Variants in RPN2 observed in about 807,000 individuals in gnomAD.
RPN2 encodes dolichyl-diphosphooligosaccharide--protein glycosyltransferase subunit 2.
RPN2 carries 29 observed loss-of-function variants against 71.4 expected under a neutral mutation model. That is an observed-to-expected ratio of 0.41 (90% CI 0.30 to 0.55). RPN2 has a LOEUF of 0.55. Among genes scored for constraint, RPN2 ranks in the 20% least tolerant of loss-of-function variants. The pLI is 0.35. For synonymous variants in RPN2, 308 were observed against 305.0 expected (o/e 1.01, Z -0.10); for missense variants, 726 against 774.1 (o/e 0.94, Z 0.74).
chr20:37,231,764 A>C (rs560994049), intron 13 of RPN2, among the ~76,000 whole-genome samples: 8 of 151,802 alleles, frequency 5.3e-5, no homozygotes, highest in African/African-American at 1.9e-4. Context: ...GGGCTTCCTT[A>C]GAGCCATGGC....
chr20:37,213,770 G>T lies in RPN2; in HGVS notation c.997G>T (p.Glu333Ter). ...TSFTPVGDVF[E>*]LNFMNVKFSS... ...TGTCATTCTTAACAGGGATGTTTTT[G>T]AACTAAATTTCATGAACGTCAAATT... Residue 333 changes from glutamate (E) to a stop codon, truncating the protein, a stop_gained, in exon 9 of 17, where the codon GAA becomes TAA. Coordinates refer to ENST00000237530, the MANE Select transcript of RPN2 (RefSeq NM_002951.5). LOFTEE classifies it high-confidence loss of function. 6.2e-7 allele frequency: 1 copy of T among 1,613,500 alleles called. No individual in the cohort carries two copies. Among genetic ancestry groups the T allele is most frequent in the South Asian group, 1.1e-5 (1 of 91,040 alleles).
At chr20:37,200,037 C>T (rs1032263919) in intron 4 of RPN2, among the ~76,000 whole-genome samples, 2 of 151,912 alleles carry the variant, frequency 1.3e-5, no homozygotes, top group Non-Finnish European at 2.9e-5. Flanking sequence ...CTCTGTTACC[C>T]AGGCTAGAGT....
In RPN2 at chr20:37,225,821, C is replaced by G; in HGVS notation, c.1299+19C>G. ...TCACCAGGTCAGGAAGACACCTAGACAGTTCTCTTAACCTGAAATGTGAAT... is the reference window on the plus strand; with the variant it reads ...TCACCAGGTCAGGAAGACACCTAGAGAGTTCTCTTAACCTGAAATGTGAAT... On this transcript the variant is annotated intron_variant, in intron 11 of 16. Transcript: ENST00000237530. 6.6e-7 allele frequency: 1 copy of G among 1,507,000 alleles called. No homozygotes were observed. Among genetic ancestry groups the G allele is most frequent in the East Asian group, 2.3e-5 (1 of 44,328 alleles). The allele number at this position is 1,507,000 out of a possible 1,614,324, so 93.4% of individuals were successfully genotyped here.
At chr20:37,195,659 T>C (rs2067239561) in intron 2 of RPN2, among the ~76,000 whole-genome samples, 1 of 152,120 alleles carries the variant, frequency 6.6e-6, no homozygotes, top group Non-Finnish European at 1.5e-5. Flanking sequence ...AAAGAGGTAA[T>C]GATAGAGGTA....
rs1212853964 is a variant in RPN2, at chr20:37,238,572, CA to C, written c.1883+1864del. The C allele has an allele frequency of 8.0e-6, 6 of 752,728 alleles. No homozygotes were observed. In the African/African-American group the frequency reaches 1.0e-4, roughly 13 times the overall value. 46.6% of individuals were successfully genotyped at this position (752,728 alleles called of 1,614,324 possible). ...GCTCCTCCCACCCCTCCCTAAGCCA[CA>C]GCTGAATTCTGAGGCTGCTTTTCAA... On this transcript the variant is annotated intron_variant, in intron 16 of 16. Coordinates refer to ENST00000237530, the MANE Select transcript of RPN2 (RefSeq NM_002951.5).
At chr20:37,202,369 G>C (rs1247852437) in intron 4 of RPN2, among the ~76,000 whole-genome samples, 4 of 152,148 alleles carry the variant, frequency 2.6e-5, no homozygotes, top group Admixed American at 2.6e-4. Context: ...CATCTTAATG[G>C]AATGAGTTTC....
Position 37,232,368 on chromosome 20 carries a change from C to G in RPN2, c.1654C>G (p.Pro552Ala), listed in dbSNP as rs751445213. 6.8e-5 allele frequency: 110 copies of G among 1,614,060 alleles called. 1 individual carries two copies. In the South Asian group the frequency reaches 1.2e-3, roughly 17 times the overall value. Reference protein sequence around the residue: ...SNTFTALILSPLLLLFALWIR... With the variant: ...SNTFTALILSALLLLFALWIR... ...TACATTCACTGCCCTGATCCTCTCG[C>G]CGTTGCTTCTGCTCTTCGCTCTGGT... Residue 552 changes from proline (P) to alanine (A), a missense_variant, in exon 14 of 17, where the codon CCG becomes GCG. Pro to Ala is a conservative substitution (Grantham distance 27, BLOSUM62 -1). Transcript: ENST00000237530.
At chr20:37,193,055 G>C (rs934843824) in intron 2 of RPN2, among the ~76,000 whole-genome samples, 9 of 152,186 alleles carry the variant, frequency 5.9e-5, no homozygotes, top group African/African-American at 2.2e-4. Flanking sequence ...TGGAGCCCAG[G>C]AGTTGGAGGC....
chr20:37,188,041 A>T (rs2067051285), intron 2 of RPN2, among the ~76,000 whole-genome samples: 1 of 152,140 alleles, frequency 6.6e-6, no homozygotes, highest in African/African-American at 2.4e-5. Flanking sequence ...AGATTTTAAT[A>T]TGCATCCTTA....
intron 5 of RPN2, 119 bp downstream of exon 5, chr20:37,204,079 G>C: frequency 1.3e-6 from 1 of 744,332 alleles, no homozygotes; most frequent in Non-Finnish European, 2.4e-6. Context: ...TATATCCATG[G>C]CACACTTGTG....
chr20:37,181,927 G>A (rs2146500791), intron 1 of RPN2, among the ~76,000 whole-genome samples: 1 of 152,028 alleles, frequency 6.6e-6, no homozygotes, highest in East Asian at 1.9e-4. Context: ...TTCATGTGAT[G>A]TCTTTTGTCA....
At chr20:37,232,590 A>G (rs1038265148) in intron 14 of RPN2, among the ~76,000 whole-genome samples, 199 bp downstream of exon 14, 4 of 152,212 alleles carry the variant, frequency 2.6e-5, no homozygotes, top group Non-Finnish European at 4.4e-5. Flanking sequence ...AAACTGCCGC[A>G]TTAACAAGTG....
chr20:37,186,282 A>G (rs945680077), intron 2 of RPN2, among the ~76,000 whole-genome samples: 1 of 152,230 alleles, frequency 6.6e-6, no homozygotes, highest in African/African-American at 2.4e-5. Context: ...TTGTGTTTAA[A>G]TGAATAATCA....
Position 37,225,711 on chromosome 20 carries a change from A to C in RPN2, c.1208A>C (p.Lys403Thr), listed in dbSNP as rs2068059279. The change falls in exon 11 of 17, where the codon AAG becomes ACG. Residue 403 changes from lysine (K) to threonine (T), a missense_variant. Physicochemically the swap from Lys to Thr is moderately conservative, Grantham distance 78. Coordinates refer to ENST00000237530, the MANE Select transcript of RPN2 (RefSeq NM_002951.5). ...AGGGTGACATACCCAGCCAAAGCCA[A>C]GGGCACATTCATCGCAGACAGCCAC... Reference protein sequence around the residue: ...TTRVTYPAKAKGTFIADSHQN... With the variant: ...TTRVTYPAKATGTFIADSHQN... 1 of 1,614,094 alleles carries C rather than the reference A, an allele frequency of 6.2e-7. No homozygotes were observed. The highest frequency in any genetic ancestry group is 8.5e-7 in the Non-Finnish European group (1 of 1,179,936).
intron 15 of RPN2, among the ~76,000 whole-genome samples, chr20:37,234,300 G>C (rs1183111870): frequency 6.6e-6 from 1 of 152,136 alleles, no homozygotes; most frequent in Non-Finnish European, 1.5e-5. Flanking sequence ...CATTATATTG[G>C]GCTTTGTTGT....
chr20:37,209,714 A>G lies in RPN2; in HGVS notation c.868-333A>G, dbSNP rs867412639. ...CCACGCTGTTCTTGAACTCTTTGGC[A>G]TCAAGTGATCCTCCTGACTCAGCCT... On this transcript the variant is annotated intron_variant, in intron 7 of 16. Coordinates refer to ENST00000237530, the MANE Select transcript of RPN2 (RefSeq NM_002951.5). 4.0e-5 allele frequency among the ~76,000 whole-genome samples: 6 copies of G among 151,346 alleles called. No individual in the cohort carries two copies. The South Asian group carries it at 6.3e-4, about 16-fold the overall frequency.
At chr20:37,216,923 CTT>C (rs1329817127) in intron 9 of RPN2, among the ~76,000 whole-genome samples, 3 of 122,242 alleles carry the variant, frequency 2.5e-5, no homozygotes, top group East Asian at 4.3e-4. Context: ...ATTGCTTTTT[CTT>C]TTTCTTTTTC....
At chr20:37,181,303 C>T (rs964292709) in intron 1 of RPN2, among the ~76,000 whole-genome samples, 27 of 152,066 alleles carry the variant, frequency 1.8e-4, no homozygotes, top group African/African-American at 6.3e-4. Flanking sequence ...CCTCTGCTAC[C>T]TCTGTTACCT....
intron 15 of RPN2, 100 bp from the exon 16 acceptor site, chr20:37,236,480 G>C: frequency 7.8e-7 from 1 of 1,276,886 alleles, no homozygotes; most frequent in South Asian, 1.2e-5. Flanking sequence ...TAGGAGTACA[G>C]ACCTTTTCAT....
Sources: gnomAD v4.1 joint callset for allele counts (sites outside exome capture counted in the v4.1 genomes callset) on GRCh38, gnomAD v4.1.1 for gene constraint, MANE v1.5 for transcripts, NCBI Gene and HGNC (gene_info 2026-07-23, HGNC 2026-07-21) for gene names.